Variants in ARID1B observed in about 807,000 individuals in gnomAD.
ARID1B encodes the protein AT-rich interactive domain-containing protein 1B.
Under a neutral mutation model 212.3 loss-of-function variants are expected in ARID1B, and 30 were observed. The observed-to-expected ratio is 0.14, with a 90% CI of 0.11 to 0.19. ARID1B has a LOEUF of 0.19. Among genes scored for constraint, ARID1B ranks in the 10% least tolerant of loss-of-function variants. The pLI, the probability that ARID1B is intolerant of heterozygous loss-of-function variation, is 1.00. For missense variants in ARID1B, 2,891 were observed against 3,204.0 expected (o/e 0.90, Z 2.36); for synonymous variants, 1,402 against 1,301.7 (o/e 1.08, Z -1.66).
intron 4 of ARID1B, among the ~76,000 whole-genome samples, chr6:156,978,455 T>G (rs1481750420): frequency 6.6e-6 from 1 of 152,228 alleles, no homozygotes; most frequent in Non-Finnish European, 1.5e-5. Context: ...GAATAGAATC[T>G]AACAAAAGGG....
chr6:157,180,911 C>G lies in ARID1B; in HGVS notation c.3505-58C>G, dbSNP rs959077270. The G allele has an allele frequency of 1.0e-5, 15 of 1,467,284 alleles. No individual in the cohort carries two copies. In the East Asian group the frequency reaches 3.0e-4, roughly 30 times the overall value. The allele number at this position is 1,467,284 out of a possible 1,614,324, so 90.9% of individuals were successfully genotyped here. A position where few individuals can be genotyped will look rare whatever the true frequency, so the allele number is the denominator to read the frequency against. On this transcript the variant is annotated intron_variant, in intron 11 of 19. Coordinates refer to ENST00000636930, the MANE Select transcript of ARID1B (RefSeq NM_001374828.1). ...TAGCTCATTACTTTTTTCTCACCTT[C>G]TTCCCTCTCCCTCTGCCCACCCATG...
chr6:156,976,647 CCACGTGGAAGCT>C (rs1400405279), intron 4 of ARID1B, among the ~76,000 whole-genome samples: 1 of 152,156 alleles, frequency 6.6e-6, no homozygotes, highest in African/African-American at 2.4e-5. Context: ...TCCCCTTCCA[CCACGTGGAAGCT>C]TTCCTTTCAC....
At position 156,860,316 on chromosome 6, in the gene ARID1B, A is replaced by G. The variant is rs1365275738; in HGVS notation, c.1986+30895A>G. Reference sequence around the variant, plus strand: ...AGAGGAAGGATTTTGAATTGTTCACATAACTTATTTTTTCAGTGTCTTCTT... The same window carrying G: ...AGAGGAAGGATTTTGAATTGTTCACGTAACTTATTTTTTCAGTGTCTTCTT... On this transcript the variant is annotated intron_variant, in intron 2 of 19. Coordinates refer to ENST00000636930, the MANE Select transcript of ARID1B (RefSeq NM_001374828.1). Among the ~76,000 whole-genome samples the G allele has an allele frequency of 2.0e-5, 3 of 150,118 alleles. No individual in the cohort carries two copies. In the East Asian group the frequency reaches 5.9e-4, roughly 29 times the overall value.
At chr6:157,099,012 G>A (rs1371901375) in intron 5 of ARID1B, among the ~76,000 whole-genome samples, 1 of 152,166 alleles carries the variant, frequency 6.6e-6, no homozygotes, top group East Asian at 1.9e-4. Context: ...CACCCAGGCT[G>A]GGGCGCAGTG....
chr6:157,120,719 T>C (rs1406856217), intron 6 of ARID1B, among the ~76,000 whole-genome samples: 1 of 152,212 alleles, frequency 6.6e-6, no homozygotes, highest in African/African-American at 2.4e-5. Context: ...GCAGCTTTTA[T>C]TGAACTGGCT....
intron 8 of ARID1B, among the ~76,000 whole-genome samples, chr6:157,162,693 C>G (rs1791022826): frequency 6.6e-6 from 1 of 152,148 alleles, no homozygotes; most frequent in African/African-American, 2.4e-5. Flanking sequence ...AATAACTCCC[C>G]AATTTGAACA....
At chr6:157,057,367 A>G (rs1288464448) in intron 4 of ARID1B, among the ~76,000 whole-genome samples, 1 of 152,180 alleles carries the variant, frequency 6.6e-6, no homozygotes, top group East Asian at 1.9e-4. Flanking sequence ...TTAAAAATCC[A>G]AACTATCCTT....
chr6:156,819,166 G>C (rs1377288688), intron 1 of ARID1B, among the ~76,000 whole-genome samples: 3 of 152,148 alleles, frequency 2.0e-5, no homozygotes, highest in African/African-American at 7.2e-5. Context: ...ATCTGTATTT[G>C]TATGGGAAAT....
At chr6:157,026,542 A>G (rs1285323927) in intron 4 of ARID1B, among the ~76,000 whole-genome samples, 2 of 152,202 alleles carry the variant, frequency 1.3e-5, no homozygotes, top group Non-Finnish European at 2.9e-5. Flanking sequence ...GCCAGTCTTC[A>G]TCTCAGAGCT....
chr6:156,964,384 T>C (rs1794601276), intron 4 of ARID1B, among the ~76,000 whole-genome samples: 1 of 152,236 alleles, frequency 6.6e-6, no homozygotes. Flanking sequence ...AAAGGGAAGC[T>C]AATAGAGTGT....
Position 157,060,236 on chromosome 6 carries a change from C to T in ARID1B, c.2248-24426C>T, listed in dbSNP as rs138563093. Among the ~76,000 whole-genome samples the T allele has an allele frequency of 2.3e-3, 348 of 152,274 alleles. 3 individuals carry two copies. The highest frequency in any genetic ancestry group is 9.7e-4 in the Non-Finnish European group (66 of 68,030). ...TCTTAAGGTAAATTATATAGCATAG[C>T]GCCTCTCAGCTCTGAATTCAGAAAC... On this transcript the variant is annotated intron_variant, in intron 4 of 19. Coordinates refer to ENST00000636930, the MANE Select transcript of ARID1B (RefSeq NM_001374828.1).
intron 7 of ARID1B, among the ~76,000 whole-genome samples, chr6:157,141,814 T>TCA (rs1443238452): frequency 1.3e-5 from 2 of 152,200 alleles, no homozygotes; most frequent in Admixed American, 1.3e-4. Context: ...GTTAGAACTC[T>TCA]CACACAGTAT....
chr6:156,902,870 T>C (rs1789063520), intron 3 of ARID1B, among the ~76,000 whole-genome samples: 1 of 152,146 alleles, frequency 6.6e-6, no homozygotes, highest in South Asian at 2.1e-4. Flanking sequence ...TAATATAATT[T>C]CTTTTTAGAT....
At chr6:156,944,997 A>G (rs1583002868) in intron 4 of ARID1B, among the ~76,000 whole-genome samples, 2 of 141,828 alleles carry the variant, frequency 1.4e-5, no homozygotes, top group African/African-American at 5.3e-5. Context: ...ATCTCGGCTC[A>G]CTGCAACCTC....
At chr6:156,963,838 T>A (rs1399697835) in intron 4 of ARID1B, among the ~76,000 whole-genome samples, 1 of 152,236 alleles carries the variant, frequency 6.6e-6, no homozygotes, top group Non-Finnish European at 1.5e-5. Flanking sequence ...GCTTATGAGG[T>A]AGCAGTCCGA....
intron 2 of ARID1B, chr6:156,870,385 C>T (rs1042845070): frequency 1.3e-5 from 2 of 152,220 alleles, no homozygotes; most frequent in East Asian, 1.9e-4. Context: ...GGAGACGTTC[C>T]GCTGGCTGTT....
chr6:157,196,680 C>A (rs1793749688), intron 16 of ARID1B, among the ~76,000 whole-genome samples: 1 of 152,162 alleles, frequency 6.6e-6, no homozygotes, highest in African/African-American at 2.4e-5. Context: ...GCCTGGGCCT[C>A]CACAGCACCC....
chr6:157,025,681 A>G (rs1167844132), intron 4 of ARID1B, among the ~76,000 whole-genome samples: 4 of 152,180 alleles, frequency 2.6e-5, no homozygotes, highest in South Asian at 2.1e-4. Context: ...TTGTTTGGCT[A>G]TGATCATAGT....
At chr6:157,145,392 C>T (rs886585216) in intron 7 of ARID1B, among the ~76,000 whole-genome samples, 7 of 152,096 alleles carry the variant, frequency 4.6e-5, no homozygotes, top group African/African-American at 1.7e-4. Flanking sequence ...GACTGTTTGC[C>T]CCAAATGCCT....
Sources: gnomAD v4.1 joint callset for allele counts (sites outside exome capture counted in the v4.1 genomes callset) on GRCh38, gnomAD v4.1.1 for gene constraint, MANE v1.5 for transcripts, NCBI Gene and HGNC (gene_info 2026-07-23, HGNC 2026-07-21) for gene names.